KATNAL1: variants seen among roughly 807,000 people sequenced by gnomAD.
The protein encoded by KATNAL1 is katanin catalytic subunit A1 like 1.
A neutral mutation model predicts 55.2 loss-of-function variants in KATNAL1; 32 were observed. The observed-to-expected ratio is 0.58, with a 90% CI of 0.44 to 0.78. The LOEUF is 0.78. Ranked by LOEUF, KATNAL1 falls within the 30% of genes least tolerant of loss-of-function variation. KATNAL1 has a pLI of 0.00. For synonymous variants in KATNAL1, 193 were observed against 193.6 expected (o/e 1.00, Z 0.02); for missense variants, 466 against 600.9 (o/e 0.78, Z 2.35).
intron 4 of KATNAL1, among the ~76,000 whole-genome samples, chr13:30,252,841 G>A (rs1024132692): frequency 6.6e-6 from 1 of 151,806 alleles, no homozygotes; most frequent in Non-Finnish European, 1.5e-5. Flanking sequence ...CTCCCTCCCA[G>A]GTTCAAGCGA....
chr13:30,208,469 T>A lies in KATNAL1; in HGVS notation c.*71A>T, dbSNP rs981692405. 5.2e-6 allele frequency: 7 copies of A among 1,358,234 alleles called. No individual in the cohort carries two copies. In the African/African-American group the frequency reaches 1.0e-4, roughly 20 times the overall value. The allele number at this position is 1,358,234 out of a possible 1,614,324, so 84.1% of individuals were successfully genotyped here. ...CACTGAAAAAAATTCCAAACTTGTT[T>A]TTTAAAAATTGCAGGAATTTCTTCG... On this transcript the variant is annotated 3_prime_UTR_variant, in exon 11 of 11. Transcript: ENST00000380615.
intron 3 of KATNAL1, among the ~76,000 whole-genome samples, chr13:30,263,670 G>T (rs1255106239): frequency 6.7e-6 from 1 of 149,756 alleles, no homozygotes; most frequent in East Asian, 2.0e-4. Flanking sequence ...ACTTACAAGG[G>T]ATGTGAAGGA....
At chr13:30,214,327 C>A (rs958973564) in intron 9 of KATNAL1, among the ~76,000 whole-genome samples, 1 of 152,010 alleles carries the variant, frequency 6.6e-6, no homozygotes, top group Non-Finnish European at 1.5e-5. Flanking sequence ...GAATCAATAT[C>A]GTGAAAATGG....
intron 3 of KATNAL1, among the ~76,000 whole-genome samples, chr13:30,263,181 A>T (rs565911439): frequency 1.3e-5 from 2 of 152,342 alleles, no homozygotes; most frequent in South Asian, 4.1e-4. Flanking sequence ...GCTTCATGCT[A>T]AAAACTCTCA....
chr13:30,286,229 A>G (rs202107), intron 1 of KATNAL1, among the ~76,000 whole-genome samples: 3 of 152,222 alleles, frequency 2.0e-5, no homozygotes, highest in African/African-American at 7.2e-5. Flanking sequence ...GACAATGGGG[A>G]AAATGCCTCC....
chr13:30,281,401 A>G (rs1024495307), intron 2 of KATNAL1, among the ~76,000 whole-genome samples: 3 of 152,182 alleles, frequency 2.0e-5, no homozygotes, highest in Non-Finnish European at 4.4e-5. Flanking sequence ...CATAGTAGAA[A>G]TGTCTGAGTA....
chr13:30,274,130 G>T (rs1880578565), intron 3 of KATNAL1, among the ~76,000 whole-genome samples: 1 of 152,164 alleles, frequency 6.6e-6, no homozygotes, highest in African/African-American at 2.4e-5. Flanking sequence ...TATACAGAAA[G>T]GAACTTGCAG....
chr13:30,305,429 C>T (rs1883118064), intron 1 of KATNAL1, among the ~76,000 whole-genome samples: 1 of 152,222 alleles, frequency 6.6e-6, no homozygotes, highest in Non-Finnish European at 1.5e-5. Context: ...AAAGTCAAAT[C>T]ACACTGAAGG....
At chr13:30,268,380 A>G (rs1164716753) in intron 3 of KATNAL1, among the ~76,000 whole-genome samples, 3 of 152,242 alleles carry the variant, frequency 2.0e-5, no homozygotes, top group Non-Finnish European at 4.4e-5. Context: ...CAAAATAAAT[A>G]TGTTTAATAT....
chr13:30,219,157 A>AT (rs1566087488), intron 9 of KATNAL1, among the ~76,000 whole-genome samples: 3 of 152,136 alleles, frequency 2.0e-5, no homozygotes, highest in Admixed American at 6.5e-5. Context: ...AAAATGTCCA[A>AT]TTTTTTTAAA....
chr13:30,237,681 T>C (rs770490964), intron 6 of KATNAL1, among the ~76,000 whole-genome samples: 2 of 152,204 alleles, frequency 1.3e-5, no homozygotes, highest in South Asian at 2.1e-4. Context: ...AGCCCTGTAT[T>C]TCTAACTTGG....
chr13:30,239,938 C>T (rs1163684502), intron 6 of KATNAL1, among the ~76,000 whole-genome samples: 2 of 152,104 alleles, frequency 1.3e-5, no homozygotes, highest in Admixed American at 6.6e-5. Flanking sequence ...CCCTCCTCAG[C>T]CTCCCAAAGT....
chr13:30,278,738 TAC>T, intron 3 of KATNAL1, among the ~76,000 whole-genome samples: 1 of 152,358 alleles, frequency 6.6e-6, no homozygotes, highest in East Asian at 1.9e-4. Context: ...TCATTGTACA[TAC>T]ATACAGGAAA....
At position 30,265,368 on chromosome 13, in the gene KATNAL1, T is replaced by A. The variant is rs890418459; in HGVS notation, c.324-9753A>T. ...TGCACATGTACCCTAAAATTTAAAG[T>A]ATAATAATAATAAATTTAAAAAATA... On this transcript the variant is annotated intron_variant, in intron 3 of 10. Transcript: ENST00000380615. 2.7e-5 allele frequency among the ~76,000 whole-genome samples: 4 copies of A among 148,908 alleles called. No homozygotes were observed. The Admixed American group carries it at 2.7e-4, about 10-fold the overall frequency.
rs371142569 is a variant in KATNAL1, at chr13:30,290,394, C to T, written c.-14-6603G>A. ...GCTATCACTACAAACCTTGGAGCTA[C>T]TGAAAGACAAAAGAGAGTTTAATGA... On this transcript the variant is annotated intron_variant, in intron 1 of 10. Transcript: ENST00000380615. 3.3e-5 allele frequency among the ~76,000 whole-genome samples: 5 copies of T among 151,956 alleles called. No individual in the cohort carries two copies. The East Asian group carries it at 9.6e-4, about 29-fold the overall frequency.
chr13:30,292,609 T>C (rs1704986227), intron 1 of KATNAL1, among the ~76,000 whole-genome samples: 1 of 152,198 alleles, frequency 6.6e-6, no homozygotes, highest in Non-Finnish European at 1.5e-5. Context: ...CTTTCTACCC[T>C]CCAAGGCTGT....
At chr13:30,276,195 C>T (rs902162752) in intron 3 of KATNAL1, among the ~76,000 whole-genome samples, 1 of 152,202 alleles carries the variant, frequency 6.6e-6, no homozygotes, top group African/African-American at 2.4e-5. Flanking sequence ...TTAAGGCAAT[C>T]AATCAAAATT....
chr13:30,273,709 A>G (rs568943886), intron 3 of KATNAL1, among the ~76,000 whole-genome samples: 4 of 152,332 alleles, frequency 2.6e-5, no homozygotes, highest in Admixed American at 2.6e-4. Context: ...GTATAATCTC[A>G]ATCTGCCAAT....
intron 1 of KATNAL1, among the ~76,000 whole-genome samples, chr13:30,285,883 G>A (rs1350824986): frequency 6.6e-6 from 1 of 152,244 alleles, no homozygotes; most frequent in African/African-American, 2.4e-5. Flanking sequence ...CTTTGGCAAA[G>A]AGACTGGCAG....
Sources: gnomAD v4.1 joint callset for allele counts (sites outside exome capture counted in the v4.1 genomes callset) on GRCh38, gnomAD v4.1.1 for gene constraint, MANE v1.5 for transcripts, NCBI Gene and HGNC (gene_info 2026-07-23, HGNC 2026-07-21) for gene names.